CD1D: variants seen among roughly 807,000 people sequenced by gnomAD.
CD1D encodes CD1d molecule, also known as antigen-presenting glycoprotein CD1d.
In CD1D, 40 loss-of-function variants were observed where a neutral mutation model predicts 42.1. The ratio of observed to expected loss-of-function variants is 0.95; its 90% CI spans 0.74 to 1.24. CD1D has a LOEUF of 1.24. Ranked by LOEUF, CD1D falls within the 50% of genes most tolerant of loss-of-function variation. The pLI is 0.00. For missense variants in CD1D, 437 were observed against 416.5 expected, an observed-to-expected ratio of 1.05 and a Z score of -0.43; for synonymous variants, 178 against 171.8, an observed-to-expected ratio of 1.04 and a Z score of -0.28.
chr1:158,183,121 G>C lies in CD1D; in HGVS notation c.851G>C (p.Ser284Thr), dbSNP rs750404418. ...GGCCTGTCCTGTCGGGTGAAGCACA[G>C]CAGTCTAGAGGGCCAGGACATCGTC... ...AAGLSCRVKHSSLEGQDIVLY... is the reference protein window; with the variant it reads ...AAGLSCRVKHTSLEGQDIVLY... Residue 284 changes from serine (S) to threonine (T), a missense_variant, in exon 4 of 6, where the codon AGC becomes ACC. Transcript: ENST00000674085. 4 of 1,613,312 alleles carry C rather than the reference G, an allele frequency of 2.5e-6. No homozygotes were observed. Among genetic ancestry groups the C allele is most frequent in the Non-Finnish European group, 3.4e-6 (4 of 1,179,540 alleles).
chr1:158,178,080 A>G (rs1182891165), upstream of CD1D, among the ~76,000 whole-genome samples: 1 of 152,230 alleles, frequency 6.6e-6, no homozygotes, highest in Non-Finnish European at 1.5e-5. Flanking sequence ...TAAGAGAGCT[A>G]TCACAAGGTT....
At chr1:158,181,757 A>C in intron 2 of CD1D, 36 bp downstream of exon 2, 3 of 1,599,176 alleles carry the variant, frequency 1.9e-6, no homozygotes, top group Non-Finnish European at 2.5e-6. Context: ...CCGGTACCCA[A>C]GGGGAGAGAA....
rs372757391 is a variant in CD1D, at chr1:158,183,172, G to A, written c.886+16G>A. ...CTCTACTGGGGTGAGAAAAAGCTGG[G>A]CCCAAGCTGGAAATGGCAGGAGGTG... is the stretch of plus-strand genomic sequence containing the variant. On this transcript the variant is annotated intron_variant, in intron 4 of 5. Coordinates refer to ENST00000674085, the MANE Select transcript of CD1D (RefSeq NM_001371762.2). The A allele has an allele frequency of 2.7e-5, 42 of 1,579,926 alleles. No individual in the cohort carries two copies. Among genetic ancestry groups the A allele is most frequent in the Non-Finnish European group, 3.5e-6 (4 of 1,159,134 alleles).
rs1648665921 is a variant in CD1D at position 158,185,520 on chromosome 1, CTCTACAAAAAATT to C, written c.*1371_*1383del. On this transcript the variant is annotated 3_prime_UTR_variant, in exon 6 of 6. Coordinates refer to ENST00000674085, the MANE Select transcript of CD1D (RefSeq NM_001371762.2). ...CCTGGGCAACATAGTGAGACCCTGT[CTCTACAAAAAATT>C]AAAAAACTAGCCACCCATGGTGGTG... Among the ~76,000 whole-genome samples, 1 of 152,016 alleles carries C rather than the reference CTCTACAAAAAATT, an allele frequency of 6.6e-6. No homozygotes were observed. The highest frequency in any genetic ancestry group is 1.5e-5 in the Non-Finnish European group (1 of 67,994).
chr1:158,185,715 A>G lies in CD1D; in HGVS notation c.*1565A>G, dbSNP rs552636167. ...AAAAATTATGCTAGCTTTTAAATCA[A>G]TGGTTCCCAAATTGTAGTAACCTGA... On this transcript the variant is annotated 3_prime_UTR_variant, in exon 6 of 6. Coordinates refer to ENST00000674085, the MANE Select transcript of CD1D (RefSeq NM_001371762.2). Among the ~76,000 whole-genome samples, 33 of 152,184 alleles carry G rather than the reference A, an allele frequency of 2.2e-4. No homozygotes were observed. In the South Asian group the frequency reaches 3.3e-3, roughly 15 times the overall value.
rs1648593047 is a variant in CD1D at position 158,184,039 on chromosome 1, A to C, written c.986+4A>C. Reference sequence around the variant, plus strand: ...CCTCCCGGTTTAAGAGGCAAACGTAAGTCTCCCCTTTCCCTTTCCTCAACC... The same window carrying C: ...CCTCCCGGTTTAAGAGGCAAACGTACGTCTCCCCTTTCCCTTTCCTCAACC... On this transcript the variant is annotated splice_donor_region_variant and intron_variant, in intron 5 of 5. Coordinates refer to ENST00000674085, the MANE Select transcript of CD1D (RefSeq NM_001371762.2). The C allele has an allele frequency of 6.2e-7, 1 of 1,613,604 alleles. No individual in the cohort carries two copies. Among genetic ancestry groups the C allele is most frequent in the African/African-American group, 1.3e-5 (1 of 74,880 alleles).
At position 158,182,073 on chromosome 1, in the gene CD1D, C is replaced by A; in HGVS notation, c.370C>A (p.Pro124Thr). The part of the protein sequence containing the change: ...LQVSAGCEVH[P>T]GNASNNFFHV... ...GGTGTCCGCTGGCTGTGAGGTGCAC[C>A]CTGGGAACGCCTCAAATAACTTCTT... Residue 124 changes from proline (P) to threonine (T), a missense_variant, in exon 3 of 6, where the codon CCT (proline) becomes ACT (threonine). Pro to Thr is a conservative substitution (Grantham distance 38, BLOSUM62 -1). Coordinates refer to ENST00000674085, the MANE Select transcript of CD1D (RefSeq NM_001371762.2). The A allele has an allele frequency of 6.2e-7, 1 of 1,613,572 alleles. No homozygotes were observed. The highest frequency in any genetic ancestry group is 8.5e-7 in the Non-Finnish European group (1 of 1,179,666).
At position 158,184,621 on chromosome 1, in the gene CD1D, C is replaced by T. The variant is rs1173329662; in HGVS notation, c.*471C>T. 1 of 166,906 alleles carries T rather than the reference C, an allele frequency of 6.0e-6. No individual in the cohort carries two copies. Among genetic ancestry groups the T allele is most frequent in the African/African-American group, 2.4e-5 (1 of 41,596 alleles). 10.3% of individuals were successfully genotyped at this position (166,906 alleles called of 1,614,324 possible). A position where few individuals can be genotyped will look rare whatever the true frequency, so the allele number is the denominator to read the frequency against. On this transcript the variant is annotated 3_prime_UTR_variant, in exon 6 of 6. Coordinates refer to ENST00000674085, the MANE Select transcript of CD1D (RefSeq NM_001371762.2). ...AAATCTGGATTTTCAGCGAACATGC[C>T]TGATTTTAAAAGGTTGACTCAAGTT... is the stretch of plus-strand genomic sequence containing the variant.
chr1:158,181,161 A>G lies in CD1D; in HGVS notation c.60A>G (p.Glu20=). 1 of 1,550,040 alleles carries G rather than the reference A, an allele frequency of 6.5e-7. No individual in the cohort carries two copies. Among genetic ancestry groups the G allele is most frequent in the Non-Finnish European group, 8.7e-7 (1 of 1,146,922 alleles). The change falls in exon 1 of 6, where the codon GAA becomes GAG. Residue 20 remains glutamate, a splice_region_variant and synonymous_variant. Transcript: ENST00000674085. ...TCCTCCAGGCTTGGGGAAGCGCTGAAGGTGGGTGGAACGAGGGCGCTTGAG... is the reference window on the plus strand; with the variant it reads ...TCCTCCAGGCTTGGGGAAGCGCTGAGGGTGGGTGGAACGAGGGCGCTTGAG... ...WALLQAWGSA[E]VPQRLFPLRC...
In CD1D at chr1:158,181,729, G is replaced by C; in HGVS notation, c.328+8G>C. The C allele has an allele frequency of 6.2e-7, 1 of 1,605,890 alleles. No individual in the cohort carries two copies. The highest frequency in any genetic ancestry group is 8.5e-7 in the Non-Finnish European group (1 of 1,179,902). On this transcript the variant is annotated splice_region_variant and intron_variant, in intron 2 of 5. Transcript: ENST00000674085. ...AAATGCTACGCTTATCCTGTGAGCT[G>C]AGGGATAGGATCCTGGGCCGGTACC... is the stretch of plus-strand genomic sequence containing the variant.
In CD1D at chr1:158,183,930, G is replaced by T; in HGVS notation, c.887-6G>T. 1 of 1,612,478 alleles carries T rather than the reference G, an allele frequency of 6.2e-7. No individual in the cohort carries two copies. Among genetic ancestry groups the T allele is most frequent in the South Asian group, 1.1e-5 (1 of 91,032 alleles). ...CTGAGAGACAGCCTATGTTCCTCCA[G>T]AGCAGGTGGGAGCTACACCTCCATG... On this transcript the variant is annotated splice_region_variant and splice_polypyrimidine_tract_variant and intron_variant, in intron 4 of 5. Coordinates refer to ENST00000674085, the MANE Select transcript of CD1D (RefSeq NM_001371762.2).
Position 158,185,972 on chromosome 1 carries a change from G to A in CD1D, c.*1822G>A, listed in dbSNP as rs922405832. 6.6e-6 allele frequency among the ~76,000 whole-genome samples: 1 copy of A among 152,200 alleles called. No homozygotes were observed. The highest frequency in any genetic ancestry group is 1.5e-5 in the Non-Finnish European group (1 of 68,036). ...TGAAAAGGACATTGGCCTGGCGTTA[G>A]TCAGGGAAGGCGTCCTGGAGGGAGG... On this transcript the variant is annotated 3_prime_UTR_variant, in exon 6 of 6. Coordinates refer to ENST00000674085, the MANE Select transcript of CD1D (RefSeq NM_001371762.2).
chr1:158,182,002 T>C (rs756936889), intron 2 of CD1D, 30 bp from the exon 3 acceptor site: 3 of 1,563,036 alleles, frequency 1.9e-6, no homozygotes, highest in Non-Finnish European at 1.7e-6. Flanking sequence ...TTTAAACCCT[T>C]CTTTGATCTT....
chr1:158,184,179 A>G lies in CD1D; in HGVS notation c.*29A>G, dbSNP rs1176331509. ...GCCTTGCCACATCTGTGTCTCTGGA[A>G]CCCAGGACCTCTGGACCTCAGGTTC... On this transcript the variant is annotated 3_prime_UTR_variant, in exon 6 of 6. Transcript: ENST00000674085. The G allele has an allele frequency of 4.3e-6, 7 of 1,613,126 alleles. No individual in the cohort carries two copies. In the Admixed American group the frequency reaches 1.0e-4, roughly 23 times the overall value.
At chr1:158,181,284 A>G (rs1267964180) in intron 1 of CD1D, 122 bp downstream of exon 1, 1 of 1,430,488 alleles carries the variant, frequency 7.0e-7, no homozygotes, top group Non-Finnish European at 9.6e-7. Context: ...GGCGCGATCT[A>G]GGTAGAAAAC....
In CD1D at chr1:158,186,228, G is replaced by A. The variant is rs1387347721; in HGVS notation, c.*2078G>A. 1.3e-5 allele frequency among the ~76,000 whole-genome samples: 2 copies of A among 152,166 alleles called. No individual in the cohort carries two copies. The highest frequency in any genetic ancestry group is 2.4e-5 in the African/African-American group (1 of 41,434). ...GTACCACATTGCCCACCCTCACGTG[G>A]CGCTCTTCAGCTTAGGTTCCTCTAG... is the stretch of plus-strand genomic sequence containing the variant. On this transcript the variant is annotated 3_prime_UTR_variant, in exon 6 of 6. Coordinates refer to ENST00000674085, the MANE Select transcript of CD1D (RefSeq NM_001371762.2).
chr1:158,182,823 C>G, intron 3 of CD1D, 55 bp from the exon 4 acceptor site: 15 of 1,532,740 alleles, frequency 9.8e-6, no homozygotes, highest in Non-Finnish European at 1.3e-5. Context: ...AGGCCTGGAG[C>G]CTCTAATGCA....
At position 158,182,166 on chromosome 1, in the gene CD1D, G is replaced by T. The variant is rs1439861535; in HGVS notation, c.463G>T (p.Ala155Ser). The T allele has an allele frequency of 1.9e-6, 3 of 1,614,148 alleles. No individual in the cohort carries two copies. The highest frequency in any genetic ancestry group is 4.5e-5 in the East Asian group (2 of 44,878). The change falls in exon 3 of 6, where the codon GCC becomes TCC. Residue 155 changes from alanine (A) to serine (S), a missense_variant. Physicochemically the swap from Ala to Ser is moderately conservative, Grantham distance 99. Coordinates refer to ENST00000674085, the MANE Select transcript of CD1D (RefSeq NM_001371762.2). ...AACTTCTTGGGAGCCAACCCAAGAGGCCCCACTTTGGGTAAACTTGGCCAT... is the reference window on the plus strand; with the variant it reads ...AACTTCTTGGGAGCCAACCCAAGAGTCCCCACTTTGGGTAAACTTGGCCAT... ...QGTSWEPTQEAPLWVNLAIQV... is the reference protein window; with the variant it reads ...QGTSWEPTQESPLWVNLAIQV...
At chr1:158,182,462 A>C in intron 3 of CD1D, 152 bp downstream of exon 3, 1 of 804,266 alleles carries the variant, frequency 1.2e-6, no homozygotes, top group Non-Finnish European at 2.0e-6. Flanking sequence ...TTTCACAGAC[A>C]TCAACTGAGC....
Sources: gnomAD v4.1 joint callset for allele counts (sites outside exome capture counted in the v4.1 genomes callset) on GRCh38, gnomAD v4.1.1 for gene constraint, MANE v1.5 for transcripts, NCBI Gene and HGNC (gene_info 2026-07-23, HGNC 2026-07-21) for gene names.